Variants in GUCA1C observed in about 807,000 individuals in gnomAD.
The protein encoded by GUCA1C is guanylyl cyclase-activating protein 3.
A neutral mutation model predicts 16.2 loss-of-function variants in GUCA1C; 15 were observed. The observed-to-expected ratio is 0.93, with a 90% confidence interval of 0.62 to 1.43. GUCA1C has a LOEUF of 1.43. GUCA1C is among the 40% of genes most tolerant of loss of function. The probability of loss-of-function intolerance (pLI) is 0.00; values close to 1 mark genes in which losing one functional copy is unlikely to be tolerated. For missense variants in GUCA1C, 275 were observed against 244.8 expected, an observed-to-expected ratio of 1.12 and a Z score of -0.82; for synonymous variants, 78 against 85.4, an observed-to-expected ratio of 0.91 and a Z score of 0.48.
intron 3 of GUCA1C, among the ~76,000 whole-genome samples, chr3:108,911,028 A>T (rs998296708): frequency 6.6e-6 from 1 of 152,138 alleles, no homozygotes; most frequent in Non-Finnish European, 1.5e-5. Context: ...ATGTAATTGG[A>T]ATCTACGTTG....
chr3:108,954,315 AAAG>A (rs1275996746), upstream of GUCA1C, among the ~76,000 whole-genome samples: 3 of 152,230 alleles, frequency 2.0e-5, no homozygotes, highest in Non-Finnish European at 2.9e-5. Context: ...GTATTATTAA[AAAG>A]AAGTCTATGT....
chr3:108,947,889 T>C (rs1202358252), intron 1 of GUCA1C, among the ~76,000 whole-genome samples: 1 of 152,202 alleles, frequency 6.6e-6, no homozygotes, highest in East Asian at 1.9e-4. Flanking sequence ...GCATCAGATT[T>C]GTTAAATATT....
intron 2 of GUCA1C, among the ~76,000 whole-genome samples, chr3:108,919,488 AT>A (rs987474944): frequency 3.3e-4 from 50 of 152,166 alleles, no homozygotes; most frequent in East Asian, 5.8e-4. Context: ...ATCCTAGCAC[AT>A]TTTTTTTGTG....
In GUCA1C at chr3:108,944,657, T is replaced by A. The variant is rs1292339720; in HGVS notation, c.204+8902A>T. Among the ~76,000 whole-genome samples the A allele has an allele frequency of 2.6e-5, 4 of 152,344 alleles. No homozygotes were observed. The East Asian group carries it at 7.7e-4, about 29-fold the overall frequency. On this transcript the variant is annotated intron_variant, in intron 1 of 3. Transcript: ENST00000261047. ...TAATGCAACCCCGTGTCTCATTTGC[T>A]GGCTCTGGGCAGCTTGTTTGGCCTC...
intron 1 of GUCA1C, among the ~76,000 whole-genome samples, chr3:108,938,254 T>C (rs1559846718): frequency 6.6e-6 from 1 of 152,068 alleles, no homozygotes; most frequent in Admixed American, 6.6e-5. Flanking sequence ...AGCATCACTA[T>C]CTGTGAAAAA....
At chr3:108,914,783 G>T (rs62266505) in intron 3 of GUCA1C, among the ~76,000 whole-genome samples, 14,638 of 152,154 alleles carry the variant, frequency 0.096, 718 homozygotes, top group Middle Eastern at 0.15. Flanking sequence ...GATTTTCAGT[G>T]GCATATTCCA....
chr3:108,914,087 T>C (rs1406978248), intron 3 of GUCA1C, among the ~76,000 whole-genome samples: 2 of 152,096 alleles, frequency 1.3e-5, no homozygotes, highest in Non-Finnish European at 2.9e-5. Flanking sequence ...ATAATAGTAA[T>C]ACAAGTTTTT....
chr3:108,931,665 G>A (rs1034116076), intron 1 of GUCA1C, among the ~76,000 whole-genome samples: 4 of 152,056 alleles, frequency 2.6e-5, no homozygotes, highest in African/African-American at 9.7e-5. Context: ...GGGGTTTAGG[G>A]TACATACTTA....
chr3:108,927,340 T>G (rs1273969838), intron 1 of GUCA1C, among the ~76,000 whole-genome samples: 3 of 152,188 alleles, frequency 2.0e-5, no homozygotes, highest in Non-Finnish European at 4.4e-5. Flanking sequence ...ACTTTTAGAT[T>G]TCTCTTCTTC....
At chr3:108,910,795 G>A (rs762081202) in intron 3 of GUCA1C, among the ~76,000 whole-genome samples, 31 of 151,374 alleles carry the variant, frequency 2.0e-4, no homozygotes, top group Admixed American at 3.3e-4. Flanking sequence ...GACTACAGGC[G>A]CCCACCACCA....
In GUCA1C at chr3:108,916,195, C is replaced by T. The variant is rs1946509631; in HGVS notation, c.374G>A (p.Gly125Asp). ...DMFMAVQALN[G>D]QQTLSPEEFI... ...TTCTTCAGGACTCAGAGTTTGCTGG[C>T]CATTGAGGGCTTGTACCGCCTGCAA... Residue 125 changes from glycine (G) to aspartate (D), a missense_variant, in exon 3 of 4, where the codon GGC becomes GAC. Coordinates refer to ENST00000261047, the MANE Select transcript of GUCA1C (RefSeq NM_005459.4). 7 of 1,613,444 alleles carry T rather than the reference C, an allele frequency of 4.3e-6. No individual in the cohort carries two copies. The East Asian group carries it at 1.6e-4, about 36-fold the overall frequency.
chr3:108,913,135 T>C (rs949632239), intron 3 of GUCA1C, among the ~76,000 whole-genome samples: 2 of 152,090 alleles, frequency 1.3e-5, no homozygotes, highest in African/African-American at 4.8e-5. Context: ...TCTTTTTAGT[T>C]GTATCTTTGT....
At chr3:108,912,802 A>T (rs530143362) in intron 3 of GUCA1C, among the ~76,000 whole-genome samples, 9 of 151,518 alleles carry the variant, frequency 5.9e-5, no homozygotes, top group Non-Finnish European at 1.2e-4. Flanking sequence ...TTCTTACATG[A>T]CATCTTCTTA....
rs1335419755 is a variant in GUCA1C, at chr3:108,939,483, T to A, written c.204+14076A>T. ...CTGGGATTACAGGCGCCCGCCACCA[T>A]GCCCGGCTCATTTTTGTATTTTTAG... On this transcript the variant is annotated intron_variant, in intron 1 of 3. Coordinates refer to ENST00000261047, the MANE Select transcript of GUCA1C (RefSeq NM_005459.4). Among the ~76,000 whole-genome samples the A allele has an allele frequency of 3.3e-5, 5 of 151,100 alleles. No individual in the cohort carries two copies. The South Asian group carries it at 8.5e-4, about 26-fold the overall frequency.
intron 1 of GUCA1C, among the ~76,000 whole-genome samples, chr3:108,933,766 G>A (rs1314630335): frequency 2.0e-5 from 3 of 152,160 alleles, no homozygotes; most frequent in Non-Finnish European, 4.4e-5. Flanking sequence ...ACAGAAAGCA[G>A]TTTGGAGATT....
At chr3:108,946,526 T>A (rs1946845753) in intron 1 of GUCA1C, among the ~76,000 whole-genome samples, 1 of 152,194 alleles carries the variant, frequency 6.6e-6, no homozygotes, top group South Asian at 2.1e-4. Flanking sequence ...CTCATTGTAA[T>A]CAGCCTGACA....
At position 108,917,734 on chromosome 3, in the gene GUCA1C, C is replaced by T. The variant is rs564808189; in HGVS notation, c.355-1520G>A. On this transcript the variant is annotated intron_variant, in intron 2 of 3. Coordinates refer to ENST00000261047, the MANE Select transcript of GUCA1C (RefSeq NM_005459.4). ...CATGCATCTTGATTCCAGCTGGTCCCTTTCCCGCTTAGAATTTCTTAAAAT... is the reference window on the plus strand; with the variant it reads ...CATGCATCTTGATTCCAGCTGGTCCTTTTCCCGCTTAGAATTTCTTAAAAT... Among the ~76,000 whole-genome samples, 8 of 152,242 alleles carry T rather than the reference C, an allele frequency of 5.3e-5. No individual in the cohort carries two copies. In the South Asian group the frequency reaches 1.7e-3, roughly 32 times the overall value.
chr3:108,914,139 C>T (rs1446842951), intron 3 of GUCA1C, among the ~76,000 whole-genome samples: 1 of 152,124 alleles, frequency 6.6e-6, no homozygotes, highest in African/African-American at 2.4e-5. Context: ...ATAAACTATT[C>T]TAGAAACCAT....
At chr3:108,946,853 G>A (rs1269313213) in intron 1 of GUCA1C, among the ~76,000 whole-genome samples, 3 of 139,526 alleles carry the variant, frequency 2.2e-5, no homozygotes, top group Non-Finnish European at 4.6e-5. Context: ...ACTGCAACAT[G>A]AGCACCTTGT....
Sources: allele counts gnomAD v4.1 joint callset (sites outside exome capture counted in the v4.1 genomes callset), GRCh38; gene constraint gnomAD v4.1.1; transcripts MANE v1.5; gene names NCBI Gene and HGNC (gene_info 2026-07-23, HGNC 2026-07-21).